CPLX4: variants seen among roughly 807,000 people sequenced by gnomAD.
CPLX4 encodes the protein complexin-4.
CPLX4 carries 17 observed loss-of-function variants against 16.1 expected under a neutral mutation model. That is an observed-to-expected ratio of 1.06 (90% confidence interval 0.72 to 1.59). CPLX4 has a LOEUF of 1.59. CPLX4 is among the 40% of genes most tolerant of loss of function. The pLI is 0.00. For missense variants in CPLX4, 193 were observed against 192.9 expected, an observed-to-expected ratio of 1.00 and a Z score of 0.00; for synonymous variants, 55 against 57.8, an observed-to-expected ratio of 0.95 and a Z score of 0.22.
At chr18:59,313,304 C>G (rs1037621234) in intron 1 of CPLX4, among the ~76,000 whole-genome samples, 2 of 152,174 alleles carry the variant, frequency 1.3e-5, no homozygotes, top group Non-Finnish European at 2.9e-5. Context: ...TGTCTCCCTT[C>G]ATTGTTACTC....
At chr18:59,316,512 T>A (rs1316341915) in intron 1 of CPLX4, among the ~76,000 whole-genome samples, 1 of 152,210 alleles carries the variant, frequency 6.6e-6, no homozygotes, top group African/African-American at 2.4e-5. Context: ...TATTGCATTC[T>A]AGGTGGTGAA....
In CPLX4 at chr18:59,318,572, T is replaced by G. The variant is rs2144196114; in HGVS notation, c.-110A>C. ...ATATTCTCAATGACAGCAATACATT[T>G]AAGAGCAAAGGACTTTGCACAACCT... On this transcript the variant is annotated 5_prime_UTR_variant, in exon 1 of 3. An upstream open reading frame in the 5' UTR loses its in-frame stop. Transcript: ENST00000299721. 6.9e-7 allele frequency: 1 copy of G among 1,458,698 alleles called. No homozygotes were observed. The highest frequency in any genetic ancestry group is 2.4e-5 in the East Asian group (1 of 40,944). The allele number at this position is 1,458,698 out of a possible 1,614,324, so 90.4% of individuals were successfully genotyped here. A position where few individuals can be genotyped will look rare whatever the true frequency, so the allele number is the denominator to read the frequency against.
intron 2 of CPLX4, among the ~76,000 whole-genome samples, chr18:59,301,431 G>A (rs552962314): frequency 6.6e-6 from 1 of 152,372 alleles, no homozygotes; most frequent in East Asian, 1.9e-4. Context: ...ACTCACCATT[G>A]ATCTAGAAGT....
intron 2 of CPLX4, among the ~76,000 whole-genome samples, chr18:59,311,336 C>A (rs1431922618): frequency 6.6e-6 from 1 of 152,124 alleles, no homozygotes. Context: ...TGTGGGTTTT[C>A]CTTCCCTTAT....
intron 2 of CPLX4, among the ~76,000 whole-genome samples, chr18:59,301,938 T>C (rs1033801376): frequency 3.9e-5 from 6 of 152,230 alleles, no homozygotes; most frequent in African/African-American, 1.4e-4. Flanking sequence ...ATCTAAGCTC[T>C]GGACAAATGG....
intron 2 of CPLX4, among the ~76,000 whole-genome samples, chr18:59,302,295 A>G (rs1159276417): frequency 6.6e-6 from 1 of 152,218 alleles, no homozygotes; most frequent in Non-Finnish European, 1.5e-5. Context: ...ACTTCAAGGA[A>G]AAGAAGTAAT....
intron 2 of CPLX4, among the ~76,000 whole-genome samples, chr18:59,311,397 T>A (rs566531806): frequency 4.7e-4 from 72 of 152,256 alleles, no homozygotes; most frequent in African/African-American, 1.7e-3. Flanking sequence ...ACCTCTACCA[T>A]GTTTAAGTCT....
intron 2 of CPLX4, among the ~76,000 whole-genome samples, chr18:59,304,324 T>C (rs1187823486): frequency 6.6e-6 from 1 of 152,182 alleles, no homozygotes; most frequent in African/African-American, 2.4e-5. Context: ...ACATATACAT[T>C]TTAAATTGGC....
intron 2 of CPLX4, among the ~76,000 whole-genome samples, chr18:59,297,233 A>AC (rs2070508102): frequency 6.6e-6 from 1 of 151,140 alleles, no homozygotes; most frequent in African/African-American, 2.4e-5. Context: ...CCCATCCCAG[A>AC]CCCACTGAAT....
intron 1 of CPLX4, among the ~76,000 whole-genome samples, chr18:59,315,070 T>G (rs1042314139): frequency 6.6e-6 from 1 of 152,198 alleles, no homozygotes; most frequent in Non-Finnish European, 1.5e-5. Flanking sequence ...CTTACTGGGA[T>G]GCATTTAGTT....
chr18:59,297,100 G>T (rs1290356131), intron 2 of CPLX4, among the ~76,000 whole-genome samples, 175 bp from the exon 3 acceptor site: 7 of 151,978 alleles, frequency 4.6e-5, no homozygotes, highest in Admixed American at 3.9e-4. Flanking sequence ...CTGTAGGGGG[G>T]TCCTTTCTTC....
Position 59,299,730 on chromosome 18 carries a change from G to A in CPLX4, c.256-2805C>T, listed in dbSNP as rs2070527214. ...TTGCCTTATGGAGAGGATCTTGATT[G>A]CCCTAACTTTTATCAAAGTGGTTCT... On this transcript the variant is annotated intron_variant, in intron 2 of 2. Transcript: ENST00000299721. 2.0e-5 allele frequency among the ~76,000 whole-genome samples: 3 copies of A among 152,180 alleles called. No homozygotes were observed. In the South Asian group the frequency reaches 6.2e-4, roughly 31 times the overall value.
At position 59,296,023 on chromosome 18, in the gene CPLX4, T is replaced by A. The variant is rs554748310; in HGVS notation, c.*675A>T. 3 of 152,318 alleles carry A rather than the reference T, an allele frequency of 2.0e-5. No homozygotes were observed. Among genetic ancestry groups the A allele is most frequent in the Non-Finnish European group, 4.4e-5 (3 of 68,116 alleles). The allele number at this position is 152,318 out of a possible 1,614,324, so 9.4% of individuals were successfully genotyped here. On this transcript the variant is annotated 3_prime_UTR_variant, in exon 3 of 3. Coordinates refer to ENST00000299721, the MANE Select transcript of CPLX4 (RefSeq NM_181654.4). ...ATTGTGCCTCCCTTGGTTCCATTCT[T>A]CACATGGCCACTAGAACGATGATCT...
chr18:59,304,042 T>A (rs2070559157), intron 2 of CPLX4, among the ~76,000 whole-genome samples: 1 of 151,652 alleles, frequency 6.6e-6, no homozygotes, highest in African/African-American at 2.4e-5. Context: ...ATCTTTGTTA[T>A]TTTTTTTAAG....
At position 59,296,307 on chromosome 18, in the gene CPLX4, T is replaced by C. The variant is rs1301064381; in HGVS notation, c.*391A>G. The C allele has an allele frequency of 4.0e-6, 1 of 250,794 alleles. No individual in the cohort carries two copies. Among genetic ancestry groups the C allele is most frequent in the Non-Finnish European group, 7.6e-6 (1 of 131,628 alleles). 15.5% of individuals were successfully genotyped at this position (250,794 alleles called of 1,614,324 possible). ...CACCTTGACTCTCCACATTTCTCTC[T>C]GAAGGGACCTGGTGTCCTGCGAATA... is the stretch of plus-strand genomic sequence containing the variant. On this transcript the variant is annotated 3_prime_UTR_variant, in exon 3 of 3. Coordinates refer to ENST00000299721, the MANE Select transcript of CPLX4 (RefSeq NM_181654.4).
intron 2 of CPLX4, 61 bp from the exon 3 acceptor site, chr18:59,296,986 TA>T (rs916765259): frequency 4.5e-6 from 7 of 1,548,530 alleles, no homozygotes; most frequent in Admixed American, 2.2e-5. Flanking sequence ...ACTAACTAAA[TA>T]AATTTTAAAA....
At chr18:59,309,822 CAAAAA>C (rs369580193) in intron 2 of CPLX4, among the ~76,000 whole-genome samples, 9 of 87,026 alleles carry the variant, frequency 1.0e-4, no homozygotes, top group East Asian at 3.4e-4. Flanking sequence ...GACTCTGTGT[CAAAAA>C]AAAAAAAAAA....
Position 59,296,808 on chromosome 18 carries a change from C to G in CPLX4, c.373G>C (p.Gly125Arg). The change falls in exon 3 of 3, where the codon GGG (glycine) becomes CGG (arginine). Residue 125 changes from glycine to arginine, a missense_variant. Gly to Arg is a moderately radical substitution (Grantham distance 125, BLOSUM62 -2). Coordinates refer to ENST00000299721, the MANE Select transcript of CPLX4 (RefSeq NM_181654.4). ...EEEEDKDSIL[G>R]QIQNLQNMDL... is the part of the protein sequence containing the mutation. ...ATGTTCTGGAGATTCTGTATCTGCC[C>G]AAGAATAGAATCTTTATCTTCTTCC... 1 of 1,613,840 alleles carries G rather than the reference C, an allele frequency of 6.2e-7. No individual in the cohort carries two copies. The highest frequency in any genetic ancestry group is 8.5e-7 in the Non-Finnish European group (1 of 1,179,986).
chr18:59,315,840 A>G lies in CPLX4; in HGVS notation c.167+2456T>C, dbSNP rs146426781. Among the ~76,000 whole-genome samples the G allele has an allele frequency of 3.2e-3, 494 of 152,276 alleles. 1 individual carries two copies. Among genetic ancestry groups the G allele is most frequent in the African/African-American group, 0.011 (473 of 41,548 alleles). On this transcript the variant is annotated intron_variant, in intron 1 of 2. Transcript: ENST00000299721. ...TGAAAATCAAATAACTATAAACCCC[A>G]TTGATCGATTTGTTGATACTAATGC...
Sources: allele counts gnomAD v4.1 joint callset (sites outside exome capture counted in the v4.1 genomes callset), GRCh38; gene constraint gnomAD v4.1.1; transcripts MANE v1.5; gene names NCBI Gene and HGNC (gene_info 2026-07-23, HGNC 2026-07-21).